The following SAMD5 variants were observed in gnomAD, a reference collection of about 807,000 sequenced individuals.
SAMD5 encodes the protein sterile alpha motif domain-containing protein 5.
SAMD5 carries 13 observed loss-of-function variants against 11.3 expected under a neutral mutation model. That is an observed-to-expected ratio of 1.15 (90% CI 0.75 to 1.83). The LOEUF (loss-of-function observed/expected upper bound fraction) is 1.83, where lower values mean the gene tolerates loss of function less well. SAMD5 is among the 40% of genes most tolerant of loss of function. The pLI is 0.00. For missense variants in SAMD5, 255 were observed against 239.1 expected (o/e 1.07, Z -0.44); for synonymous variants, 129 against 111.3 (o/e 1.16, Z -1.00).
intron 1 of SAMD5, among the ~76,000 whole-genome samples, chr6:147,715,413 C>A (rs955815976): frequency 6.6e-6 from 1 of 152,214 alleles, no homozygotes; most frequent in Admixed American, 6.5e-5. Flanking sequence ...GTACTGCAAG[C>A]AGCTTCCACA....
chr6:147,537,765 AAAAAGAG>A (rs1212308420), intron 1 of SAMD5, among the ~76,000 whole-genome samples: 18 of 152,232 alleles, frequency 1.2e-4, no homozygotes, highest in African/African-American at 4.3e-4. Context: ...CAAAAAAAAA[AAAAAGAG>A]AAAACCTTTT....
At chr6:147,629,979 C>T (rs1242002682) in intron 1 of SAMD5, among the ~76,000 whole-genome samples, 47 of 129,574 alleles carry the variant, frequency 3.6e-4, no homozygotes, top group African/African-American at 1.1e-3. Context: ...GATGGAGTTT[C>T]GCTTTTGTTG....
intron 1 of SAMD5, among the ~76,000 whole-genome samples, chr6:147,554,022 A>T (rs1788813622): frequency 6.6e-6 from 1 of 152,186 alleles, no homozygotes; most frequent in African/African-American, 2.4e-5. Context: ...TCAAAAGGGA[A>T]AGAGCTTTAA....
intron 1 of SAMD5, among the ~76,000 whole-genome samples, chr6:147,510,882 A>G (rs1337739231): frequency 6.6e-6 from 1 of 152,234 alleles, no homozygotes; most frequent in Non-Finnish European, 1.5e-5. Context: ...CACTTTTCCC[A>G]GGCAGTTGCC....
the SAMD5 span, among the ~76,000 whole-genome samples, chr6:147,937,574 G>A: frequency 7.9e-5 from 12 of 152,110 alleles, no homozygotes; most frequent in African/African-American, 2.4e-4. Flanking sequence ...GTTGTTGATC[G>A]CTGTTTTGCA....
At position 147,541,498 on chromosome 6, in the gene SAMD5, C is replaced by T. The variant is rs185951960; in HGVS notation, c.460-22896C>T. ...TTGATTCATTCCAGGTGGGAAGGGA[C>T]GACCTCCAAACGGTAATTCACAATG... On this transcript the variant is annotated intron_variant, in intron 1 of 1. Transcript: ENST00000367474. Among the ~76,000 whole-genome samples, 132 of 152,258 alleles carry T rather than the reference C, an allele frequency of 8.7e-4. 1 individual carries two copies. The highest frequency in any genetic ancestry group is 1.6e-3 in the Admixed American group (25 of 15,296).
intron 1 of SAMD5, among the ~76,000 whole-genome samples, chr6:147,626,536 G>C (rs891540608): frequency 1.3e-5 from 2 of 151,678 alleles, no homozygotes; most frequent in African/African-American, 4.8e-5. Flanking sequence ...ATTTAGATCA[G>C]CTGTATAGTC....
chr6:147,615,928 G>T (rs1323067494), intron 1 of SAMD5, among the ~76,000 whole-genome samples: 2 of 152,052 alleles, frequency 1.3e-5, no homozygotes, highest in African/African-American at 4.8e-5. Context: ...TGGCTTTTAT[G>T]TTGATAAAAC....
the SAMD5 span, among the ~76,000 whole-genome samples, chr6:147,807,996 C>T: frequency 1.2e-3 from 177 of 152,208 alleles, 1 homozygote; most frequent in African/African-American, 4.2e-3. Flanking sequence ...AAAATCTGAT[C>T]CTCATTTCCT....
chr6:147,528,822 G>A (rs1444829750), intron 1 of SAMD5, among the ~76,000 whole-genome samples: 1 of 152,168 alleles, frequency 6.6e-6, no homozygotes, highest in African/African-American at 2.4e-5. Context: ...AAGTAGGCTT[G>A]GAAAAGATGA....
At chr6:147,640,961 C>G (rs991269145) in intron 1 of SAMD5, among the ~76,000 whole-genome samples, 9 of 152,176 alleles carry the variant, frequency 5.9e-5, no homozygotes, top group Non-Finnish European at 1.0e-4. Context: ...TCAAAAATCC[C>G]TTTGAAAATT....
At chr6:147,529,397 C>T (rs115882890) in intron 1 of SAMD5, among the ~76,000 whole-genome samples, 3,573 of 152,132 alleles carry the variant, frequency 0.023, 119 homozygotes, top group African/African-American at 0.079. Flanking sequence ...TCCAAGAGTT[C>T]GATGAATACC....
chr6:147,633,762 A>G (rs1790185580), intron 1 of SAMD5, among the ~76,000 whole-genome samples: 1 of 141,816 alleles, frequency 7.1e-6, no homozygotes, highest in Non-Finnish European at 1.5e-5. Flanking sequence ...CTTTTCCTTC[A>G]TCTTGCATTT....
chr6:147,627,778 C>T (rs919073727), intron 1 of SAMD5, among the ~76,000 whole-genome samples: 6 of 152,058 alleles, frequency 3.9e-5, no homozygotes, highest in Non-Finnish European at 5.9e-5. Flanking sequence ...AAGCATTGCT[C>T]GCCGTATACC....
chr6:147,523,066 C>T (rs1454383707), intron 1 of SAMD5, among the ~76,000 whole-genome samples: 1 of 152,112 alleles, frequency 6.6e-6, no homozygotes, highest in Non-Finnish European at 1.5e-5. Flanking sequence ...CTCTTCTACT[C>T]ACCTCCCCCT....
At chr6:147,904,891 CTTTT>C in the SAMD5 span, among the ~76,000 whole-genome samples, 1 of 139,226 alleles carries the variant, frequency 7.2e-6, no homozygotes. Flanking sequence ...GACTTTATGC[CTTTT>C]TTTTTTTTTT....
the SAMD5 span, among the ~76,000 whole-genome samples, chr6:147,855,757 T>G: frequency 6.6e-6 from 1 of 152,080 alleles, no homozygotes. Flanking sequence ...TTTCTCACAT[T>G]GGAATAAAAA....
the SAMD5 span, among the ~76,000 whole-genome samples, chr6:147,833,239 T>C: frequency 6.6e-6 from 1 of 152,202 alleles, no homozygotes; most frequent in South Asian, 2.1e-4. Context: ...TAGAGCCTCA[T>C]TTTATACTTA....
At chr6:147,721,033 A>C (rs1048908157) in intron 1 of SAMD5, among the ~76,000 whole-genome samples, 1 of 120,102 alleles carries the variant, frequency 8.3e-6, no homozygotes, top group Non-Finnish European at 1.7e-5. Context: ...TGAACTCATC[A>C]TTTTTTATGG....
Sources: gnomAD v4.1 joint callset for allele counts (sites outside exome capture counted in the v4.1 genomes callset) on GRCh38, gnomAD v4.1.1 for gene constraint, MANE v1.5 for transcripts, NCBI Gene and HGNC (gene_info 2026-07-23, HGNC 2026-07-21) for gene names.